The following DNHD1 variants were observed in gnomAD, a reference collection of about 807,000 sequenced individuals.
DNHD1 encodes dynein heavy chain domain 1, also known as dynein heavy chain domain-containing protein 1.
DNHD1 carries 383 observed loss-of-function variants against 458.1 expected under a neutral mutation model. That is an observed-to-expected ratio of 0.84 (90% CI 0.77 to 0.91). DNHD1 has a LOEUF of 0.91. DNHD1 is among the 40% of genes least tolerant of loss of function. The pLI is 0.00. For synonymous variants in DNHD1, 2,203 were observed against 2,376.9 expected (o/e 0.93, Z 2.13); for missense variants, 5,336 against 5,866.1 (o/e 0.91, Z 2.95).
chr11:6,569,610 A>G (rs10742975), intron 39 of DNHD1, among the ~76,000 whole-genome samples: 152,215 of 152,316 alleles, frequency 1, 76,057 homozygotes, highest in Middle Eastern at 1. Context: ...TGGATGCAAC[A>G]TGGAGAATGG....
In DNHD1 at chr11:6,565,928, C is replaced by G; in HGVS notation, c.10990C>G (p.Leu3664Val). The change falls in exon 33 of 43, where the codon CTT becomes GTT. Residue 3664 changes from leucine (L) to valine (V), a missense_variant. Coordinates refer to ENST00000254579, the MANE Select transcript of DNHD1 (RefSeq NM_144666.3). The part of the protein sequence containing the change: ...YETQLPSLPY[L>V]SVLSGADPEL... ...GACTCAGCTTCCATCCCTTCCCTAC[C>G]TTAGTGTTCTTTCAGGTGCTGACCC... 2 of 1,551,620 alleles carry G rather than the reference C, an allele frequency of 1.3e-6. No individual in the cohort carries two copies. Among genetic ancestry groups the G allele is most frequent in the Non-Finnish European group, 1.7e-6 (2 of 1,146,990 alleles).
chr11:6,530,300 C>T (rs1852799737), intron 12 of DNHD1, among the ~76,000 whole-genome samples: 1 of 152,174 alleles, frequency 6.6e-6, no homozygotes, highest in Non-Finnish European at 1.5e-5. Context: ...CCAATTGTTG[C>T]TATCCCTGGG....
Position 6,533,082 on chromosome 11 carries a change from C to G in DNHD1, c.2403C>G (p.Cys801Trp). 1.3e-6 allele frequency: 2 copies of G among 1,551,660 alleles called. No homozygotes were observed. Among genetic ancestry groups the G allele is most frequent in the Non-Finnish European group, 1.7e-6 (2 of 1,146,970 alleles). Residue 801 changes from cysteine to tryptophan, a missense_variant, in exon 13 of 43, where the codon TGC becomes TGG. Physicochemically the swap from Cys to Trp is radical, Grantham distance 215. Transcript: ENST00000254579. ...TTCTTGCACACGTGCAAAATGAGTG[C>G]TGGAACCTCAGTCAACAACTCATGA... ...KDILAHVQNE[C>W]WNLSQQLMTE...
In DNHD1 at chr11:6,498,560, A is replaced by T; in HGVS notation, c.345A>T (p.Ala115=). ...TCCTGGAGCAGCTGTACTGCTGGGC[A>T]CCCTGGGTCCAAACCCACCTCCATC... The part of the protein sequence containing the change: ...LPFLEQLYCW[A]PWVQTHLHLD... The change falls in exon 3 of 43, where the codon GCA becomes GCT. Residue 115 remains alanine (A), a synonymous_variant. Coordinates refer to ENST00000254579, the MANE Select transcript of DNHD1 (RefSeq NM_144666.3). 1 of 1,614,146 alleles carries T rather than the reference A, an allele frequency of 6.2e-7. No individual in the cohort carries two copies. The highest frequency in any genetic ancestry group is 8.5e-7 in the Non-Finnish European group (1 of 1,180,026).
rs1853478673 is a variant in DNHD1, at chr11:6,557,088, T to C, written c.7793T>C (p.Leu2598Pro). ...TCCCTACACTCTGTGAGCCACCTAC[T>C]GAGCAGCCTGCAGCTGCTGCCCAAC... is the stretch of plus-strand genomic sequence containing the variant. ...HFSLHSVSHL[L>P]SSLQLLPNRT... is the part of the protein sequence containing the mutation. Residue 2598 changes from leucine to proline, a missense_variant, in exon 25 of 43, where the codon CTG becomes CCG. Leu to Pro is a moderately conservative substitution (Grantham distance 98, BLOSUM62 -3). Transcript: ENST00000254579. The C allele has an allele frequency of 1.9e-6, 3 of 1,551,604 alleles. No homozygotes were observed. The highest frequency in any genetic ancestry group is 2.6e-6 in the Non-Finnish European group (3 of 1,147,006).
At position 6,546,817 on chromosome 11, in the gene DNHD1, C is replaced by A; in HGVS notation, c.5878C>A (p.Leu1960Met). ...GATGAAGCCATTGGTGGTGGAGGAA[C>A]TGCAACAGGTAGGTCTGGATCCCAG... ...KLMKPLVVEE[L>M]QQVGLDPSPD... The change falls in exon 21 of 43, where the codon CTG (leucine) becomes ATG (methionine). Residue 1960 changes from leucine to methionine, a missense_variant. Transcript: ENST00000254579. 6.4e-7 allele frequency: 1 copy of A among 1,551,866 alleles called. No homozygotes were observed. Among genetic ancestry groups the A allele is most frequent in the Middle Eastern group, 1.7e-4 (1 of 5,992 alleles).
At position 6,539,964 on chromosome 11, in the gene DNHD1, T is replaced by G; in HGVS notation, c.3509T>G (p.Leu1170Arg). ...RYWEARQLRL[L>R]NFILHVPYEP... Reference sequence around the variant, plus strand: ...TGGGAAGCGCGCCAGCTGCGCCTGCTCAACTTCATCCTGCATGTACCCTAC... The same window carrying G: ...TGGGAAGCGCGCCAGCTGCGCCTGCGCAACTTCATCCTGCATGTACCCTAC... Residue 1170 changes from leucine to arginine, a missense_variant, in exon 18 of 43, where the codon CTC becomes CGC. Transcript: ENST00000254579. 6.4e-7 allele frequency: 1 copy of G among 1,551,704 alleles called. No homozygotes were observed. Among genetic ancestry groups the G allele is most frequent in the Non-Finnish European group, 8.7e-7 (1 of 1,146,986 alleles).
At chr11:6,502,388 G>T (rs1161990491) in intron 3 of DNHD1, among the ~76,000 whole-genome samples, 1 of 152,114 alleles carries the variant, frequency 6.6e-6, no homozygotes, top group Non-Finnish European at 1.5e-5. Context: ...CAGTACTGTG[G>T]GCTTACAGAG....
Position 6,557,071 on chromosome 11 carries a change from C to T in DNHD1, c.7776C>T (p.His2592=). The change falls in exon 25 of 43, where the codon CAC becomes CAT. Residue 2592 remains histidine, a synonymous_variant. Coordinates refer to ENST00000254579, the MANE Select transcript of DNHD1 (RefSeq NM_144666.3). ...ACCCACACTACCACTTCTCCCTACA[C>T]TCTGTGAGCCACCTACTGAGCAGCC... ...PLHPHYHFSL[H]SVSHLLSSLQ... is the part of the protein sequence containing the mutation. 2 of 1,551,754 alleles carry T rather than the reference C, an allele frequency of 1.3e-6. No individual in the cohort carries two copies. The highest frequency in any genetic ancestry group is 1.2e-5 in the South Asian group (1 of 84,066).
At chr11:6,522,515 G>A (rs1322907357) in intron 10 of DNHD1, among the ~76,000 whole-genome samples, 1 of 152,044 alleles carries the variant, frequency 6.6e-6, no homozygotes, top group Non-Finnish European at 1.5e-5. Context: ...CAACTATTGG[G>A]TACTAGGATT....
At chr11:6,532,830 T>C (rs1421705148) in intron 12 of DNHD1, among the ~76,000 whole-genome samples, 197 bp from the exon 13 acceptor site, 1 of 152,140 alleles carries the variant, frequency 6.6e-6, no homozygotes, top group Non-Finnish European at 1.5e-5. Flanking sequence ...ATTCATTTGC[T>C]CTCGTCTACC....
At chr11:6,521,964 A>T (rs550963625) in intron 10 of DNHD1, among the ~76,000 whole-genome samples, 3 of 152,182 alleles carry the variant, frequency 2.0e-5, no homozygotes, top group South Asian at 4.2e-4. Flanking sequence ...CAATCCTCCT[A>T]TCTTGGCCTT....
Position 6,557,931 on chromosome 11 carries a change from T to C in DNHD1, c.8636T>C (p.Leu2879Pro). Residue 2879 changes from leucine to proline, a missense_variant, in exon 25 of 43, where the codon CTG (leucine) becomes CCG (proline). Leu to Pro is a moderately conservative substitution (Grantham distance 98). Around this residue, in one of 4 missense-constraint regions of DNHD1, gnomAD observed 3,932 missense variants for 4,365.6 expected, o/e 0.90. Coordinates refer to ENST00000254579, the MANE Select transcript of DNHD1 (RefSeq NM_144666.3). ...CACGTGGCCCGCCTGGTCCGGGTGC[T>C]GGCCAGGCCCCGGCAGCATGGCCTG... Reference protein sequence around the residue: ...AQHVARLVRVLARPRQHGLLL... With the variant: ...AQHVARLVRVPARPRQHGLLL... 6.4e-7 allele frequency: 1 copy of C among 1,551,064 alleles called. No individual in the cohort carries two copies. The highest frequency in any genetic ancestry group is 8.7e-7 in the Non-Finnish European group (1 of 1,146,864).
chr11:6,552,998 AACTTATATAT>A (rs1414454170), intron 24 of DNHD1, among the ~76,000 whole-genome samples: 1 of 152,252 alleles, frequency 6.6e-6, no homozygotes, highest in African/African-American at 2.4e-5. Flanking sequence ...AAAAAAGTAC[AACTTATATAT>A]ACTTTTTCAG....
rs769968757 is a variant in DNHD1 at position 6,557,973 on chromosome 11, TGG to T, written c.8680_8681del (p.Gly2894TyrfsTer12). On this transcript the variant is annotated frameshift_variant, in exon 25 of 43. Coordinates refer to ENST00000254579, the MANE Select transcript of DNHD1 (RefSeq NM_144666.3). LOFTEE classifies it high-confidence loss of function. ...CATGGCCTGCTGCTCTCGGGGGCTC[TGG>T]GTACTGGGCGCCACACTGCCATCAC... 1 of 1,551,654 alleles carries T rather than the reference TGG, an allele frequency of 6.4e-7. No individual in the cohort carries two copies. Among genetic ancestry groups the T allele is most frequent in the South Asian group, 1.2e-5 (1 of 84,052 alleles).
At chr11:6,536,296 T>C (rs1286981498) in intron 14 of DNHD1, among the ~76,000 whole-genome samples, 1 of 152,130 alleles carries the variant, frequency 6.6e-6, no homozygotes, top group Non-Finnish European at 1.5e-5. Context: ...AAAAATGCAA[T>C]CTAGGACATT....
chr11:6,508,807 G>A (rs1852276345), intron 4 of DNHD1, 73 bp from the exon 5 acceptor site: 3 of 1,447,310 alleles, frequency 2.1e-6, no homozygotes, highest in Non-Finnish European at 2.9e-6. Flanking sequence ...TTCATCTCCT[G>A]TATCCTCCTT....
Position 6,567,392 on chromosome 11 carries a change from A to C in DNHD1, c.11883A>C (p.Leu3961=). The C allele has an allele frequency of 6.2e-7, 1 of 1,613,794 alleles. No homozygotes were observed. Among genetic ancestry groups the C allele is most frequent in the South Asian group, 1.1e-5 (1 of 91,048 alleles). ...ELERLALWPG[L]AASPSTVHSK... ...AAAGACTGGCACTCTGGCCTGGACTAGCAGCCTCTCCCAGCACAGTCCACA... is the reference window on the plus strand; with the variant it reads ...AAAGACTGGCACTCTGGCCTGGACTCGCAGCCTCTCCCAGCACAGTCCACA... The change falls in exon 36 of 43, where the codon CTA becomes CTC. Residue 3961 remains leucine, a synonymous_variant. Coordinates refer to ENST00000254579, the MANE Select transcript of DNHD1 (RefSeq NM_144666.3).
chr11:6,509,364 C>A, intron 6 of DNHD1, 92 bp downstream of exon 6: 1 of 1,132,370 alleles, frequency 8.8e-7, no homozygotes, highest in Non-Finnish European at 1.2e-6. Context: ...CTGAAAGATA[C>A]AAAAAAGCAC....
Sources: allele counts gnomAD v4.1 joint callset (sites outside exome capture counted in the v4.1 genomes callset), GRCh38; gene constraint gnomAD v4.1.1; regional missense constraint gnomAD v4.1.1; transcripts MANE v1.5; gene names NCBI Gene and HGNC (gene_info 2026-07-23, HGNC 2026-07-21).